Variants in CNTN5 observed in about 807,000 individuals in gnomAD.
CNTN5 encodes contactin-5.
Under a neutral mutation model 129.1 loss-of-function variants are expected in CNTN5, and 77 were observed. The observed-to-expected ratio is 0.60, with a 90% CI of 0.50 to 0.72. The LOEUF is 0.72. CNTN5 is among the 30% of genes least tolerant of loss of function. The probability of loss-of-function intolerance (pLI) is 0.00; values close to 1 mark genes in which losing one functional copy is unlikely to be tolerated. For missense variants in CNTN5, 1,478 were observed against 1,328.8 expected, an observed-to-expected ratio of 1.11 and a Z score of -1.75; for synonymous variants, 509 against 465.6, an observed-to-expected ratio of 1.09 and a Z score of -1.20.
chr11:99,503,195 C>T (rs1017690454), intron 2 of CNTN5, among the ~76,000 whole-genome samples: 1 of 152,146 alleles, frequency 6.6e-6, no homozygotes, highest in Admixed American at 6.5e-5. Context: ...TTCTTCCCTT[C>T]ACTTCCTTAA....
At chr11:99,844,196 A>G (rs1470160139) in intron 4 of CNTN5, among the ~76,000 whole-genome samples, 1 of 152,122 alleles carries the variant, frequency 6.6e-6, no homozygotes, top group African/African-American at 2.4e-5. Flanking sequence ...ACTGGCCTCC[A>G]CTTCCTTTTA....
intron 13 of CNTN5, among the ~76,000 whole-genome samples, chr11:100,173,443 G>A (rs376091561): frequency 1.3e-5 from 2 of 152,098 alleles, no homozygotes; most frequent in East Asian, 1.9e-4. Context: ...TCTTGGCCCT[G>A]TTTGGACAGG....
At chr11:99,391,183 A>C (rs1188935713) in intron 2 of CNTN5, among the ~76,000 whole-genome samples, 1 of 152,132 alleles carries the variant, frequency 6.6e-6, no homozygotes, top group Non-Finnish European at 1.5e-5. Flanking sequence ...ACCTGTAAAA[A>C]ACAAGTTTAA....
At chr11:100,116,396 A>G (rs1439404122) in intron 13 of CNTN5, among the ~76,000 whole-genome samples, 1 of 152,026 alleles carries the variant, frequency 6.6e-6, no homozygotes, top group Non-Finnish European at 1.5e-5. Context: ...AGAGCATGGA[A>G]AATATCCTAT....
chr11:99,269,631 A>T (rs550971563), intron 1 of CNTN5, among the ~76,000 whole-genome samples: 1 of 152,032 alleles, frequency 6.6e-6, no homozygotes, highest in Non-Finnish European at 1.5e-5. Flanking sequence ...TCTTATATTA[A>T]CAAAAGTGTT....
intron 3 of CNTN5, among the ~76,000 whole-genome samples, chr11:99,573,294 G>A (rs368330015): frequency 1.3e-5 from 2 of 152,080 alleles, no homozygotes; most frequent in South Asian, 2.1e-4. Context: ...TTCCTGGCCG[G>A]GTGCAGTGGC....
At chr11:99,360,165 G>A (rs1939004485) in intron 2 of CNTN5, among the ~76,000 whole-genome samples, 3 of 152,120 alleles carry the variant, frequency 2.0e-5, no homozygotes, top group South Asian at 4.1e-4. Flanking sequence ...AGACACAGTG[G>A]GGCAAGAGTT....
chr11:99,853,599 C>G (rs555674685), intron 6 of CNTN5, among the ~76,000 whole-genome samples: 6 of 152,122 alleles, frequency 3.9e-5, no homozygotes, highest in African/African-American at 1.2e-4. Context: ...CGGGGTTTCT[C>G]CATGTTGGTC....
intron 4 of CNTN5, among the ~76,000 whole-genome samples, chr11:99,821,653 C>G (rs1946804854): frequency 6.6e-6 from 1 of 152,028 alleles, no homozygotes; most frequent in Non-Finnish European, 1.5e-5. Context: ...GAAACCCAAA[C>G]AGAAACAACA....
chr11:99,235,800 T>C (rs906370283), intron 1 of CNTN5, among the ~76,000 whole-genome samples: 3 of 152,174 alleles, frequency 2.0e-5, no homozygotes, highest in African/African-American at 4.8e-5. Context: ...ACAGTGGCAA[T>C]TGTCTGGAAT....
rs961839243 is a variant in CNTN5 at position 99,580,517 on chromosome 11, T to A, written c.55+24248T>A. ...TTGCCTCAATTTCAGAGCCTGCTAT[T>A]GGTCTATTCAGATATTCAACTTCTT... On this transcript the variant is annotated intron_variant, in intron 3 of 24. Coordinates refer to ENST00000524871, the MANE Select transcript of CNTN5 (RefSeq NM_014361.4). Among the ~76,000 whole-genome samples the A allele has an allele frequency of 1.8e-4, 28 of 152,174 alleles. 1 individual carries two copies. The highest frequency in any genetic ancestry group is 3.8e-4 in the Non-Finnish European group (26 of 68,042).
At position 99,615,519 on chromosome 11, in the gene CNTN5, G is replaced by T. The variant is rs138536309; in HGVS notation, c.55+59250G>T. Among the ~76,000 whole-genome samples, 211 of 152,212 alleles carry T rather than the reference G, an allele frequency of 1.4e-3. 1 individual carries two copies. The highest frequency in any genetic ancestry group is 4.8e-3 in the African/African-American group (199 of 41,542). ...GATATCCCTTCTTCTGATGATGACA[G>T]CTTAGCTACTGAAACTGACTTGTTC... On this transcript the variant is annotated intron_variant, in intron 3 of 24. Transcript: ENST00000524871.
At chr11:99,402,398 G>C (rs6590092) in intron 2 of CNTN5, among the ~76,000 whole-genome samples, 152,173 of 152,330 alleles carry the variant, frequency 1, 76,008 homozygotes, top group Middle Eastern at 1. Context: ...GTTGAACTAT[G>C]TTTGCATCCC....
At chr11:99,363,612 C>T (rs1250703626) in intron 2 of CNTN5, among the ~76,000 whole-genome samples, 1 of 152,006 alleles carries the variant, frequency 6.6e-6, no homozygotes, top group South Asian at 2.1e-4. Flanking sequence ...CAAACAGAAA[C>T]AAGCACAATT....
chr11:99,700,596 G>A (rs775504184), intron 3 of CNTN5, among the ~76,000 whole-genome samples: 2 of 151,250 alleles, frequency 1.3e-5, no homozygotes, highest in Non-Finnish European at 3.0e-5. Context: ...TTTAATTTTT[G>A]TTCTTATGCT....
chr11:99,639,996 T>C (rs754121726), intron 3 of CNTN5, among the ~76,000 whole-genome samples: 8 of 152,186 alleles, frequency 5.3e-5, no homozygotes, highest in Non-Finnish European at 7.3e-5. Flanking sequence ...TGCTAAAATG[T>C]TACCAAGATT....
intron 13 of CNTN5, among the ~76,000 whole-genome samples, chr11:100,104,775 T>C (rs529924121): frequency 6.6e-6 from 1 of 152,314 alleles, no homozygotes; most frequent in East Asian, 1.9e-4. Context: ...ATCTTACCTC[T>C]CTACTAGTTT....
intron 1 of CNTN5, among the ~76,000 whole-genome samples, chr11:99,231,580 T>G (rs1225395420): frequency 6.6e-6 from 1 of 152,162 alleles, no homozygotes; most frequent in Non-Finnish European, 1.5e-5. Flanking sequence ...TTGCAAAAAT[T>G]TTCTCCCATT....
intron 1 of CNTN5, among the ~76,000 whole-genome samples, chr11:99,314,222 T>C (rs1865239354): frequency 6.6e-6 from 1 of 152,050 alleles, no homozygotes; most frequent in South Asian, 2.1e-4. Flanking sequence ...TGAACAATAA[T>C]TAATACATTG....
Sources: allele counts gnomAD v4.1 joint callset (sites outside exome capture counted in the v4.1 genomes callset), GRCh38; gene constraint gnomAD v4.1.1; transcripts MANE v1.5; gene names NCBI Gene and HGNC (gene_info 2026-07-23, HGNC 2026-07-21).